ROBO2: variants seen among roughly 807,000 people sequenced by gnomAD.
ROBO2 encodes the protein roundabout homolog 2.
A neutral mutation model predicts 160.8 loss-of-function variants in ROBO2; 53 were observed. That is an observed-to-expected ratio of 0.33 (90% CI 0.26 to 0.41). The LOEUF is 0.41. ROBO2 is among the 10% of genes least tolerant of loss of function. The pLI is 1.00. For missense variants in ROBO2, 1,577 were observed against 1,722.4 expected (o/e 0.92, Z 1.49); for synonymous variants, 664 against 611.7 (o/e 1.09, Z -1.26).
At position 76,837,880 on chromosome 3, in the gene ROBO2, G is replaced by A. The variant is rs2067854118; in HGVS notation, c.110-260134G>A. 3.3e-5 allele frequency among the ~76,000 whole-genome samples: 5 copies of A among 151,864 alleles called. No homozygotes were observed. In the South Asian group the frequency reaches 1.0e-3, roughly 31 times the overall value. ...TCTAATGGCATTTGTTTTCATCTATGATCCACTGGAAGATAAAATTGAATT... is the reference window on the plus strand; with the variant it reads ...TCTAATGGCATTTGTTTTCATCTATAATCCACTGGAAGATAAAATTGAATT... On this transcript the variant is annotated intron_variant, in intron 2 of 26. Transcript: ENST00000487694.
chr3:76,814,894 G>A (rs561796143), intron 2 of ROBO2, among the ~76,000 whole-genome samples: 2 of 152,038 alleles, frequency 1.3e-5, no homozygotes, highest in East Asian at 3.9e-4. Context: ...ATGTGTTGGG[G>A]GTGGGAGAGG....
intron 2 of ROBO2, among the ~76,000 whole-genome samples, chr3:76,869,719 A>G (rs1000860525): frequency 7.2e-5 from 11 of 152,178 alleles, no homozygotes; most frequent in African/African-American, 2.7e-4. Context: ...ATCCTTGAAC[A>G]TAATTTATTC....
intron 2 of ROBO2, among the ~76,000 whole-genome samples, chr3:76,055,691 A>G (rs1378166111): frequency 1.3e-5 from 2 of 152,196 alleles, no homozygotes; most frequent in Non-Finnish European, 1.5e-5. Flanking sequence ...TTGTGACTGT[A>G]TGGTATTCCA....
intron 2 of ROBO2, among the ~76,000 whole-genome samples, chr3:77,284,337 G>C (rs1349712427): frequency 6.6e-6 from 1 of 152,070 alleles, no homozygotes; most frequent in African/African-American, 2.4e-5. Flanking sequence ...TGAGCATTAG[G>C]TTCCTCATCT....
chr3:76,514,205 C>G lies in ROBO2; in HGVS notation c.109+576603C>G, dbSNP rs568639219. Reference sequence around the variant, plus strand: ...CCATGATATCATTTCACATGTTGCTCTGTTTCCTGTGTTTTTTATAAACTG... The same window carrying G: ...CCATGATATCATTTCACATGTTGCTGTGTTTCCTGTGTTTTTTATAAACTG... On this transcript the variant is annotated intron_variant, in intron 2 of 26. Coordinates refer to the ROBO2 transcript ENST00000487694. 3.9e-4 allele frequency among the ~76,000 whole-genome samples: 59 copies of G among 152,228 alleles called. 1 individual carries two copies. The highest frequency in any genetic ancestry group is 1.4e-3 in the African/African-American group (57 of 41,534).
At chr3:76,973,695 T>C (rs1352554097) in intron 2 of ROBO2, among the ~76,000 whole-genome samples, 1 of 152,196 alleles carries the variant, frequency 6.6e-6, no homozygotes, top group Non-Finnish European at 1.5e-5. Context: ...AGATTTCTAA[T>C]TTCAGTGTAA....
chr3:76,490,560 C>T (rs1296641672), intron 2 of ROBO2, among the ~76,000 whole-genome samples: 4 of 152,120 alleles, frequency 2.6e-5, no homozygotes, highest in Admixed American at 1.3e-4. Flanking sequence ...GGAGTGCTTA[C>T]GCTTCAGGAC....
chr3:76,975,098 G>A (rs1419379507), intron 2 of ROBO2, among the ~76,000 whole-genome samples: 2 of 152,132 alleles, frequency 1.3e-5, no homozygotes, highest in Non-Finnish European at 2.9e-5. Context: ...TATTTATAAC[G>A]TGGAAAATAC....
At chr3:77,294,151 T>C (rs1455770921) in intron 2 of ROBO2, among the ~76,000 whole-genome samples, 11 of 137,596 alleles carry the variant, frequency 8.0e-5, no homozygotes, top group Non-Finnish European at 1.8e-4. Context: ...AAATTGATGG[T>C]TAAACGGGTA....
Position 76,871,561 on chromosome 3 carries a change from G to C in ROBO2, c.110-226453G>C, listed in dbSNP as rs4856056. Among the ~76,000 whole-genome samples, 728 of 145,352 alleles carry C rather than the reference G, an allele frequency of 5.0e-3. 13 individuals carry two copies. The highest frequency in any genetic ancestry group is 0.018 in the African/African-American group (692 of 39,514). ...AGAGCGAGACTCCGTCTCAAAAAAA[G>C]AAAAAAAAAGAAAAAGAAAAATACC... On this transcript the variant is annotated intron_variant, in intron 2 of 26. Coordinates refer to the ROBO2 transcript ENST00000487694.
chr3:76,566,802 GA>G (rs1447978060), intron 2 of ROBO2, among the ~76,000 whole-genome samples: 2 of 152,064 alleles, frequency 1.3e-5, no homozygotes, highest in East Asian at 3.9e-4. Context: ...TAAGTAAAAG[GA>G]AAAGAAGAAA....
intron 2 of ROBO2, among the ~76,000 whole-genome samples, chr3:76,769,181 A>G (rs750250835): frequency 3.3e-5 from 5 of 151,464 alleles, no homozygotes; most frequent in Non-Finnish European, 7.4e-5. Context: ...TGCTCAAAGT[A>G]TAGTAAGATC....
At chr3:76,111,381 A>G (rs1238873980) in intron 2 of ROBO2, among the ~76,000 whole-genome samples, 1 of 152,014 alleles carries the variant, frequency 6.6e-6, no homozygotes, top group East Asian at 1.9e-4. Flanking sequence ...TGTTGATACA[A>G]TGATATTGAG....
intron 2 of ROBO2, among the ~76,000 whole-genome samples, chr3:77,454,524 C>G (rs926562598): frequency 2.6e-5 from 4 of 152,172 alleles, no homozygotes; most frequent in Admixed American, 2.6e-4. Flanking sequence ...TTGTATTAAT[C>G]TCCTGCAGAA....
chr3:76,487,495 A>C (rs1051387827), intron 2 of ROBO2, among the ~76,000 whole-genome samples: 1 of 152,260 alleles, frequency 6.6e-6, no homozygotes, highest in East Asian at 1.9e-4. Flanking sequence ...CTAATACTTT[A>C]GTAAAACTTC....
chr3:76,724,753 A>G (rs1295884456), intron 2 of ROBO2, among the ~76,000 whole-genome samples: 2 of 152,186 alleles, frequency 1.3e-5, no homozygotes, highest in Non-Finnish European at 2.9e-5. Flanking sequence ...AATGTTACTT[A>G]TATGGAAAAA....
At chr3:76,882,698 C>A (rs1210244354) in intron 2 of ROBO2, among the ~76,000 whole-genome samples, 1 of 152,126 alleles carries the variant, frequency 6.6e-6, no homozygotes, top group African/African-American at 2.4e-5. Context: ...CTATCAGAAT[C>A]TTACGGGGAA....
chr3:77,579,189 A>G (rs1046921479), intron 15 of ROBO2, among the ~76,000 whole-genome samples: 3 of 152,138 alleles, frequency 2.0e-5, no homozygotes, highest in Admixed American at 6.6e-5. Flanking sequence ...TTCATAACAC[A>G]TTTCATCAGA....
At chr3:77,001,291 A>G (rs998454094) in intron 2 of ROBO2, among the ~76,000 whole-genome samples, 1 of 152,138 alleles carries the variant, frequency 6.6e-6, no homozygotes, top group African/African-American at 2.4e-5. Flanking sequence ...TTTGGCTGCA[A>G]AACCATCAGT....
Sources: gnomAD v4.1 joint callset for allele counts (sites outside exome capture counted in the v4.1 genomes callset) on GRCh38, gnomAD v4.1.1 for gene constraint, MANE v1.5 for transcripts, NCBI Gene and HGNC (gene_info 2026-07-23, HGNC 2026-07-21) for gene names.